The following TRHDE variants were observed in gnomAD, a reference collection of about 807,000 sequenced individuals.
TRHDE encodes thyrotropin releasing hormone degrading enzyme.
TRHDE carries 72 observed loss-of-function variants against 125.7 expected under a neutral mutation model. The ratio of observed to expected loss-of-function variants is 0.57; its 90% confidence interval spans 0.47 to 0.70. The LOEUF is 0.70. TRHDE is among the 30% of genes least tolerant of loss of function. TRHDE has a pLI of 0.00. For missense variants in TRHDE, 1,110 were observed against 1,327.1 expected (o/e 0.84, Z 2.54); for synonymous variants, 509 against 509.1 (o/e 1.00, Z 0.00).
chr12:72,457,838 A>G (rs993139933), intron 3 of TRHDE, among the ~76,000 whole-genome samples: 2 of 152,206 alleles, frequency 1.3e-5, no homozygotes, highest in Non-Finnish European at 2.9e-5. Context: ...ATTTGGAAAT[A>G]TGTTTTACTA....
At chr12:72,503,806 C>G (rs1239247762) in intron 6 of TRHDE, among the ~76,000 whole-genome samples, 1 of 152,126 alleles carries the variant, frequency 6.6e-6, no homozygotes, top group Non-Finnish European at 1.5e-5. Context: ...TAAATTGACT[C>G]CCATCCAATA....
intron 2 of TRHDE, among the ~76,000 whole-genome samples, chr12:72,207,467 T>C (rs1877691668): frequency 6.6e-6 from 1 of 152,114 alleles, no homozygotes; most frequent in South Asian, 2.1e-4. Flanking sequence ...CACAAAAAAA[T>C]TGCACAATAA....
chr12:72,660,545 A>G (rs556147911), intron 18 of TRHDE, among the ~76,000 whole-genome samples: 2 of 152,294 alleles, frequency 1.3e-5, no homozygotes, highest in East Asian at 1.9e-4. Flanking sequence ...CTTGCCTTCT[A>G]GGTCACTTCT....
chr12:72,108,656 C>A (rs373898067), intron 2 of TRHDE, among the ~76,000 whole-genome samples: 1 of 152,028 alleles, frequency 6.6e-6, no homozygotes, highest in African/African-American at 2.4e-5. Context: ...CAGGTATTTG[C>A]GAGAACCTGG....
intron 2 of TRHDE, among the ~76,000 whole-genome samples, chr12:72,359,025 C>T (rs1178298885): frequency 6.6e-6 from 1 of 151,574 alleles, no homozygotes; most frequent in Non-Finnish European, 1.5e-5. Flanking sequence ...ATGTTTCACT[C>T]ACTCTTTAGG....
intron 2 of TRHDE, among the ~76,000 whole-genome samples, chr12:72,198,805 C>CT (rs1877495368): frequency 6.6e-6 from 1 of 152,110 alleles, no homozygotes; most frequent in Non-Finnish European, 1.5e-5. Flanking sequence ...CAACCTGAGA[C>CT]TGGGCAAATT....
intron 6 of TRHDE, among the ~76,000 whole-genome samples, chr12:72,508,544 C>A (rs1164790230): frequency 6.6e-6 from 1 of 151,206 alleles, no homozygotes; most frequent in Non-Finnish European, 1.5e-5. Context: ...GGAGTATTTA[C>A]CCAATGCCTG....
chr12:72,670,364 A>G lies in TRHDE; in HGVS notation c.*7169A>G, dbSNP rs1008155206. On this transcript the variant is annotated 3_prime_UTR_variant, in exon 19 of 19. Coordinates refer to ENST00000261180, the MANE Select transcript of TRHDE (RefSeq NM_013381.3). ...AATTTTTAGTCTTTTCTGACCAAGC[A>G]CTAATAAAATTGATTTCCCTAAATG... 1 of 151,730 alleles carries G rather than the reference A, an allele frequency of 6.6e-6. No homozygotes were observed. The highest frequency in any genetic ancestry group is 1.5e-5 in the Non-Finnish European group (1 of 67,758). 9.4% of individuals were successfully genotyped at this position (151,730 alleles called of 1,614,324 possible).
intron 2 of TRHDE, among the ~76,000 whole-genome samples, chr12:72,165,454 C>T (rs551559123): frequency 2.6e-5 from 4 of 152,178 alleles, no homozygotes; most frequent in African/African-American, 7.2e-5. Flanking sequence ...ACTGCCACTA[C>T]GGTCTACTTG....
intron 3 of TRHDE, among the ~76,000 whole-genome samples, chr12:72,426,958 A>T (rs1224800215): frequency 6.6e-6 from 1 of 152,068 alleles, no homozygotes; most frequent in Non-Finnish European, 1.5e-5. Flanking sequence ...GCCAAATGTC[A>T]CCTATATATA....
chr12:72,597,345 T>C (rs1399854338), intron 12 of TRHDE, among the ~76,000 whole-genome samples: 1 of 152,092 alleles, frequency 6.6e-6, no homozygotes, highest in Non-Finnish European at 1.5e-5. Context: ...CTTTTTATAT[T>C]GTATTATTAG....
At chr12:72,400,036 G>A (rs1872971787) in intron 3 of TRHDE, among the ~76,000 whole-genome samples, 1 of 152,016 alleles carries the variant, frequency 6.6e-6, no homozygotes, top group African/African-American at 2.4e-5. Context: ...TAATAAATGG[G>A]TATCTTATGA....
At chr12:72,473,041 G>T (rs772053123) in intron 4 of TRHDE, 26 bp from the exon 5 acceptor site, 2 of 1,522,162 alleles carry the variant, frequency 1.3e-6, no homozygotes, top group South Asian at 1.1e-5. Flanking sequence ...TATTTTATTT[G>T]ATGACCATTA....
At chr12:72,138,269 G>A (rs890689617) in intron 2 of TRHDE, among the ~76,000 whole-genome samples, 6 of 152,116 alleles carry the variant, frequency 3.9e-5, no homozygotes, top group Admixed American at 1.3e-4. Flanking sequence ...CAGCTACTCC[G>A]GAGGCTGAGG....
intron 2 of TRHDE, among the ~76,000 whole-genome samples, chr12:72,317,723 A>G (rs2135706590): frequency 6.6e-6 from 1 of 152,330 alleles, no homozygotes; most frequent in South Asian, 2.1e-4. Flanking sequence ...GGTACATGAA[A>G]GAGGGACACC....
chr12:72,334,579 G>A (rs1273774064), intron 2 of TRHDE, among the ~76,000 whole-genome samples: 2 of 152,144 alleles, frequency 1.3e-5, no homozygotes, highest in Non-Finnish European at 1.5e-5. Context: ...CAACCAGGGG[G>A]TCCCTCAGCT....
chr12:72,088,918 C>G (rs1213743028), intron 1 of TRHDE, among the ~76,000 whole-genome samples: 1 of 152,104 alleles, frequency 6.6e-6, no homozygotes, highest in Non-Finnish European at 1.5e-5. Context: ...CTAATATAGA[C>G]CTTTCTTCCA....
At chr12:72,266,674 T>C (rs1366881427) in intron 2 of TRHDE, among the ~76,000 whole-genome samples, 1 of 151,888 alleles carries the variant, frequency 6.6e-6, no homozygotes, top group African/African-American at 2.4e-5. Flanking sequence ...GACTTCATAA[T>C]TTATGTAGCA....
At position 72,345,619 on chromosome 12, in the gene TRHDE, C is replaced by A. The variant is rs115323016; in HGVS notation, c.1189-32376C>A. On this transcript the variant is annotated intron_variant, in intron 2 of 18. Transcript: ENST00000261180. Reference sequence around the variant, plus strand: ...AAATATAACAATGGACTTTTGTGAACCAGTAGGAGTGCCTCCAGAACACCA... The same window carrying A: ...AAATATAACAATGGACTTTTGTGAAACAGTAGGAGTGCCTCCAGAACACCA... Among the ~76,000 whole-genome samples, 402 of 152,080 alleles carry A rather than the reference C, an allele frequency of 2.6e-3. 3 individuals are homozygous for A. The highest frequency in any genetic ancestry group is 0.017 in the Middle Eastern group (5 of 292).
Sources: allele counts gnomAD v4.1 joint callset (sites outside exome capture counted in the v4.1 genomes callset), GRCh38; gene constraint gnomAD v4.1.1; transcripts MANE v1.5; gene names NCBI Gene and HGNC (gene_info 2026-07-23, HGNC 2026-07-21).